The following EEA1 variants were observed in gnomAD, a reference collection of about 807,000 sequenced individuals.
EEA1 encodes early endosome antigen 1, 162kD.
Under a neutral mutation model 209.2 loss-of-function variants are expected in EEA1, and 111 were observed. That is an observed-to-expected ratio of 0.53 (90% CI 0.45 to 0.62). EEA1 has a LOEUF of 0.62. EEA1 is among the 20% of genes least tolerant of loss of function. EEA1 has a pLI of 0.00. For missense variants in EEA1, 1,343 were observed against 1,530.8 expected (o/e 0.88, Z 2.05); for synonymous variants, 536 against 540.6 (o/e 0.99, Z 0.12).
At chr12:92,928,039 T>C (rs1214740267) in intron 1 of EEA1, among the ~76,000 whole-genome samples, 1 of 152,230 alleles carries the variant, frequency 6.6e-6, no homozygotes, top group Non-Finnish European at 1.5e-5. Flanking sequence ...CTAATTTCTT[T>C]TGTCCTTTGA....
At position 92,883,889 on chromosome 12, in the gene EEA1, C is replaced by A. The variant is rs576269175; in HGVS notation, c.117+7740G>T. 1.9e-6 allele frequency: 3 copies of A among 1,592,062 alleles called. No individual in the cohort carries two copies. In the African/African-American group the frequency reaches 4.0e-5, roughly 21 times the overall value. ...AGGAGCCATTTTGAGCAATGGGGAA[C>A]GCTCACGGACTGTGTGGTAATGAGA... On this transcript the variant is annotated intron_variant, in intron 2 of 28. Coordinates refer to ENST00000322349, the MANE Select transcript of EEA1 (RefSeq NM_003566.4).
chr12:92,854,187 T>A (rs1015295138), intron 5 of EEA1, among the ~76,000 whole-genome samples: 1 of 152,204 alleles, frequency 6.6e-6, no homozygotes, highest in Non-Finnish European at 1.5e-5. Flanking sequence ...TTTTTTTGTA[T>A]GTTAATATAT....
At chr12:92,806,002 A>AT (rs1378290160) in intron 18 of EEA1, among the ~76,000 whole-genome samples, 2 of 152,256 alleles carry the variant, frequency 1.3e-5, no homozygotes, top group Non-Finnish European at 2.9e-5. Context: ...TTTTATTAGA[A>AT]TAAGGCTACA....
chr12:92,872,480 T>C (rs529102747), intron 2 of EEA1, among the ~76,000 whole-genome samples: 35 of 152,252 alleles, frequency 2.3e-4, no homozygotes, highest in Non-Finnish European at 4.6e-4. Flanking sequence ...TAGGTTGAGA[T>C]CCCATTCTTC....
intron 1 of EEA1, among the ~76,000 whole-genome samples, chr12:92,923,781 A>G (rs1881103169): frequency 6.6e-6 from 1 of 151,602 alleles, no homozygotes; most frequent in African/African-American, 2.4e-5. Context: ...TTAGCACAAA[A>G]TAAATATTCG....
At chr12:92,883,917 T>C in intron 2 of EEA1, 1 of 1,570,388 alleles carries the variant, frequency 6.4e-7, no homozygotes, top group African/African-American at 1.3e-5. Context: ...TAATGAGAGA[T>C]CCAAACACAG....
intron 2 of EEA1, among the ~76,000 whole-genome samples, chr12:92,867,521 A>T (rs1878456082): frequency 1.3e-5 from 2 of 152,196 alleles, no homozygotes; most frequent in Admixed American, 6.5e-5. Context: ...GGAGAAAATG[A>T]GCTAAGCAAT....
chr12:92,790,526 G>A (rs1054753597), intron 21 of EEA1, among the ~76,000 whole-genome samples: 15 of 152,074 alleles, frequency 9.9e-5, no homozygotes, highest in African/African-American at 3.6e-4. Flanking sequence ...TGGAAGAAAG[G>A]GTATCAGTGA....
chr12:92,806,873 C>T (rs1298202703), intron 18 of EEA1, among the ~76,000 whole-genome samples: 1 of 152,004 alleles, frequency 6.6e-6, no homozygotes, highest in Non-Finnish European at 1.5e-5. Flanking sequence ...TCCATATGAT[C>T]ACATCAACAG....
chr12:92,860,599 C>T (rs1244690716), intron 3 of EEA1, among the ~76,000 whole-genome samples: 1 of 151,932 alleles, frequency 6.6e-6, no homozygotes, highest in African/African-American at 2.4e-5. Context: ...TCCAGCATTC[C>T]TAGGTAGGCC....
intron 2 of EEA1, among the ~76,000 whole-genome samples, chr12:92,870,782 T>A (rs529725503): frequency 1.3e-5 from 2 of 152,188 alleles, no homozygotes; most frequent in South Asian, 2.1e-4. Flanking sequence ...GTTCAAGCGA[T>A]TCTTGTGCCT....
At chr12:92,871,501 T>C (rs1159159933) in intron 2 of EEA1, among the ~76,000 whole-genome samples, 1 of 152,244 alleles carries the variant, frequency 6.6e-6, no homozygotes, top group Non-Finnish European at 1.5e-5. Flanking sequence ...ATAGCAGTTA[T>C]ACATCTTTTC....
chr12:92,809,522 CTA>C (rs1875387932), intron 17 of EEA1, among the ~76,000 whole-genome samples: 1 of 91,906 alleles, frequency 1.1e-5, no homozygotes, highest in African/African-American at 4.4e-5. Flanking sequence ...CTTATCTCTA[CTA>C]AAAAAAAAAA....
chr12:92,894,966 G>A (rs927747063), intron 1 of EEA1, among the ~76,000 whole-genome samples: 2 of 152,140 alleles, frequency 1.3e-5, no homozygotes, highest in Non-Finnish European at 2.9e-5. Flanking sequence ...GGTAATTCTT[G>A]TTAGGGGTTA....
At chr12:92,787,377 A>C (rs750872129) in intron 22 of EEA1, among the ~76,000 whole-genome samples, 32 of 152,144 alleles carry the variant, frequency 2.1e-4, no homozygotes, top group Non-Finnish European at 3.5e-4. Flanking sequence ...ACATTACCAA[A>C]GACAAAATTT....
chr12:92,853,895 T>C lies in EEA1; in HGVS notation c.406+20A>G. 6.3e-7 allele frequency: 1 copy of C among 1,589,104 alleles called. No homozygotes were observed. The highest frequency in any genetic ancestry group is 8.5e-7 in the Non-Finnish European group (1 of 1,171,836). ...GAAGAAAAAGAAAACTGACAAAATA[T>C]CTGCTTTAAGTAAAGTTACCTGCTG... On this transcript the variant is annotated intron_variant, in intron 6 of 28. Coordinates refer to ENST00000322349, the MANE Select transcript of EEA1 (RefSeq NM_003566.4).
intron 11 of EEA1, 51 bp downstream of exon 11, chr12:92,832,461 G>T: frequency 6.6e-7 from 1 of 1,508,604 alleles, no homozygotes. Context: ...TCAAGTACAC[G>T]AAGAAGAAAC....
rs34717047 is a variant in EEA1, at chr12:92,806,942, AT to A, written c.2339+2074del. 1.3e-3 allele frequency among the ~76,000 whole-genome samples: 195 copies of A among 147,348 alleles called. 4 individuals are homozygous for A. The highest frequency in any genetic ancestry group is 0.011 in the South Asian group (51 of 4,704). On this transcript the variant is annotated intron_variant, in intron 18 of 28. Transcript: ENST00000322349. ...GCACGGTAATTTTTCTTTTTTAATAATTTTTTTTTTTTTGAGACGGAGTCTC... is the reference window on the plus strand; with the variant it reads ...GCACGGTAATTTTTCTTTTTTAATAATTTTTTTTTTTTGAGACGGAGTCTC...
intron 2 of EEA1, among the ~76,000 whole-genome samples, chr12:92,882,726 CAGTATTCCTACAA>C (rs1879202430): frequency 6.6e-6 from 1 of 152,166 alleles, no homozygotes; most frequent in South Asian, 2.1e-4. Flanking sequence ...CTAGCTGCAT[CAGTATTCCTACAA>C]AGAATATGAT....
Sources: allele counts gnomAD v4.1 joint callset (sites outside exome capture counted in the v4.1 genomes callset), GRCh38; gene constraint gnomAD v4.1.1; transcripts MANE v1.5; gene names NCBI Gene and HGNC (gene_info 2026-07-23, HGNC 2026-07-21).